The following COQ5 variants were observed in gnomAD, a reference collection of about 807,000 sequenced individuals.
COQ5 encodes the protein 2-methoxy-6-polyprenyl-1,4-benzoquinol methylase, mitochondrial.
A neutral mutation model predicts 40.5 loss-of-function variants in COQ5; 27 were observed. The observed-to-expected ratio is 0.67, with a 90% confidence interval of 0.49 to 0.92. The LOEUF (loss-of-function observed/expected upper bound fraction) is 0.92. Among genes scored for constraint, COQ5 ranks in the 40% least tolerant of loss-of-function variants. The pLI is 0.00. For missense variants in COQ5, 409 were observed against 406.4 expected (o/e 1.01, Z -0.06); for synonymous variants, 141 against 150.0 (o/e 0.94, Z 0.44).
At chr12:120,525,326 T>C (rs1469327037) in intron 1 of COQ5, among the ~76,000 whole-genome samples, 1 of 151,920 alleles carries the variant, frequency 6.6e-6, no homozygotes, top group Non-Finnish European at 1.5e-5. Flanking sequence ...CTCAAACTCC[T>C]GACCTCATGA....
At chr12:120,505,386 A>C (rs978317857) in intron 4 of COQ5, among the ~76,000 whole-genome samples, 6 of 150,666 alleles carry the variant, frequency 4.0e-5, no homozygotes, top group Non-Finnish European at 8.9e-5. Flanking sequence ...TTTATTTTTT[A>C]TTTTTTATTT....
chr12:120,514,399 T>C (rs1364704127), intron 3 of COQ5, among the ~76,000 whole-genome samples: 1 of 152,040 alleles, frequency 6.6e-6, no homozygotes, highest in East Asian at 1.9e-4. Flanking sequence ...CCCCTCACAG[T>C]GGCCATCTGT....
At chr12:120,517,370 T>TA (rs1869424183) in intron 2 of COQ5, among the ~76,000 whole-genome samples, 1 of 146,762 alleles carries the variant, frequency 6.8e-6, no homozygotes, top group Non-Finnish European at 1.5e-5. Context: ...AATAAATAAA[T>TA]AAATAAAATA....
At chr12:120,517,296 G>A (rs975595250) in intron 2 of COQ5, among the ~76,000 whole-genome samples, 15 of 151,976 alleles carry the variant, frequency 9.9e-5, no homozygotes, top group African/African-American at 3.6e-4. Context: ...ATGTTGCAGT[G>A]GGCCGAGATA....
intron 2 of COQ5, among the ~76,000 whole-genome samples, chr12:120,521,064 G>GTTT (rs35534303): frequency 8.1e-6 from 1 of 123,712 alleles, no homozygotes; most frequent in Non-Finnish European, 1.6e-5. Flanking sequence ...GTAATCCTGC[G>GTTT]TTTTTTTTTT....
chr12:120,515,449 G>A lies in COQ5; in HGVS notation c.574+1118C>T, dbSNP rs187299110. Among the ~76,000 whole-genome samples, 117 of 152,320 alleles carry A rather than the reference G, an allele frequency of 7.7e-4. 2 individuals carry two copies. The highest frequency in any genetic ancestry group is 1.0e-4 in the Non-Finnish European group (7 of 68,022). ...ATTTTGAGCTTGCAGTAATCTCACA[G>A]AGATAGGCATGCAGTCATCTGCCTA... On this transcript the variant is annotated intron_variant, in intron 3 of 6. Transcript: ENST00000288532.
At chr12:120,519,954 G>A (rs929362737) in intron 2 of COQ5, among the ~76,000 whole-genome samples, 1 of 150,932 alleles carries the variant, frequency 6.6e-6, no homozygotes, top group Non-Finnish European at 1.5e-5. Context: ...ACCCTCTACA[G>A]AGCAAGGTGT....
At chr12:120,516,504 T>C (rs1869377239) in intron 3 of COQ5, 63 bp downstream of exon 3, 1 of 1,303,790 alleles carries the variant, frequency 7.7e-7, no homozygotes, top group Admixed American at 1.7e-5. Context: ...ATATTTTACA[T>C]ATTCCACCTT....
rs757061664 is a variant in COQ5 at position 120,516,711 on chromosome 12, G to C, written c.430C>G (p.Gln144Glu). The change falls in exon 3 of 7, where the codon CAA (glutamine) becomes GAA (glutamate). Residue 144 changes from glutamine (Q) to glutamate (E), a missense_variant. Transcript: ENST00000288532. ...RKQKRQLRAQ[Q>E]NLSWEEIAKE... is the part of the protein sequence containing the mutation. ...GCAATTTCTTCCCAGGATAAATTTT[G>C]TTGGGCCCTTAACTGCCTCTTCTGT... The C allele has an allele frequency of 1.2e-6, 2 of 1,614,154 alleles. No individual in the cohort carries two copies. Among genetic ancestry groups the C allele is most frequent in the Non-Finnish European group, 1.7e-6 (2 of 1,180,012 alleles).
At chr12:120,508,592 A>G (rs1868988242) in intron 4 of COQ5, among the ~76,000 whole-genome samples, 1 of 152,246 alleles carries the variant, frequency 6.6e-6, no homozygotes, top group Non-Finnish European at 1.5e-5. Flanking sequence ...ATCATAACCA[A>G]TTCACAAAAC....
intron 2 of COQ5, among the ~76,000 whole-genome samples, chr12:120,518,902 T>C (rs1869516689): frequency 6.6e-6 from 1 of 152,242 alleles, no homozygotes; most frequent in Admixed American, 6.6e-5. Flanking sequence ...ATCTTCTCTG[T>C]ATCATTCCAA....
chr12:120,509,916 T>C, intron 4 of COQ5, 101 bp downstream of exon 4: 1 of 921,576 alleles, frequency 1.1e-6, no homozygotes, highest in Non-Finnish European at 1.8e-6. Flanking sequence ...CAAGACCCCA[T>C]CTCAAAAAAC....
chr12:120,508,933 G>C lies in COQ5; in HGVS notation c.681+1084C>G, dbSNP rs369017383. 7.9e-5 allele frequency among the ~76,000 whole-genome samples: 12 copies of C among 151,984 alleles called. No individual in the cohort carries two copies. In the East Asian group the frequency reaches 1.9e-3, roughly 24 times the overall value. ...CCAGCTACTCCGGAGGCTGACGCAGGAGAATTGCTTGAACCCAGGAGACAG... is the reference window on the plus strand; with the variant it reads ...CCAGCTACTCCGGAGGCTGACGCAGCAGAATTGCTTGAACCCAGGAGACAG... On this transcript the variant is annotated intron_variant, in intron 4 of 6. Transcript: ENST00000288532.
At chr12:120,527,623 T>C (rs1870010076) in intron 1 of COQ5, among the ~76,000 whole-genome samples, 1 of 152,068 alleles carries the variant, frequency 6.6e-6, no homozygotes, top group African/African-American at 2.4e-5. Flanking sequence ...AGTTCAGTAG[T>C]TAACTTCTTC....
intron 4 of COQ5, among the ~76,000 whole-genome samples, chr12:120,506,391 G>A (rs1868881211): frequency 1.3e-5 from 2 of 150,176 alleles, no homozygotes; most frequent in Admixed American, 1.3e-4. Context: ...TTTTTAGACA[G>A]AGTCTCGCTC....
Position 120,516,724 on chromosome 12 carries a change from C to T in COQ5, c.417G>A (p.Gln139=). The T allele has an allele frequency of 6.2e-7, 1 of 1,614,226 alleles. No individual in the cohort carries two copies. Among genetic ancestry groups the T allele is most frequent in the Non-Finnish European group, 8.5e-7 (1 of 1,180,028 alleles). Residue 139 remains glutamine (Q), a synonymous_variant, in exon 3 of 7, where the codon CAG becomes CAA. Coordinates refer to ENST00000288532, the MANE Select transcript of COQ5 (RefSeq NM_032314.4). The part of the protein sequence containing the change: ...QSQHQRKQKR[Q]LRAQQNLSWE... Reference sequence around the variant, plus strand: ...AGGATAAATTTTGTTGGGCCCTTAACTGCCTCTTCTGTTTTCTCTGATGCT... The same window carrying T: ...AGGATAAATTTTGTTGGGCCCTTAATTGCCTCTTCTGTTTTCTCTGATGCT...
intron 1 of COQ5, 166 bp from the exon 2 acceptor site, chr12:120,522,529 TATTG>T (rs1261317203): frequency 1.5e-6 from 1 of 681,164 alleles, no homozygotes; most frequent in South Asian, 1.7e-5. Context: ...ATTACCTCTT[TATTG>T]ATTTATTTTT....
Position 120,504,996 on chromosome 12 carries a change from A to AG in COQ5, c.682-14dup. ...CTTCCTGGAGTGCCTGAGCAAGACA[A>AG]GGAACAACAGGACACACTCCTCAGT... On this transcript the variant is annotated splice_polypyrimidine_tract_variant and intron_variant, in intron 4 of 6. Coordinates refer to ENST00000288532, the MANE Select transcript of COQ5 (RefSeq NM_032314.4). 6.2e-7 allele frequency: 1 copy of AG among 1,607,562 alleles called. No individual in the cohort carries two copies. Among genetic ancestry groups the AG allele is most frequent in the South Asian group, 1.1e-5 (1 of 90,902 alleles).
rs972320159 is a variant in COQ5 at position 120,529,054 on chromosome 12, G to A, written c.88C>T (p.Arg30Cys). 1.2e-6 allele frequency: 2 copies of A among 1,614,058 alleles called. No homozygotes were observed. The highest frequency in any genetic ancestry group is 1.7e-6 in the Non-Finnish European group (2 of 1,180,004). ...AGTAGGTCCCCGGGCCAAGAGCTAC[G>A]AAGCCCGAGGAGCTGGCAGCCCCGC... ...AMRGCQLLGL[R>C]SSWPGDLLSA... is the part of the protein sequence containing the mutation. The change falls in exon 1 of 7, where the codon CGT becomes TGT. Residue 30 changes from arginine to cysteine, a missense_variant. Transcript: ENST00000288532.
Sources: gnomAD v4.1 joint callset for allele counts (sites outside exome capture counted in the v4.1 genomes callset) on GRCh38, gnomAD v4.1.1 for gene constraint, MANE v1.5 for transcripts, NCBI Gene and HGNC (gene_info 2026-07-23, HGNC 2026-07-21) for gene names.